Variants in BRINP1 observed in about 807,000 individuals in gnomAD.
BRINP1 encodes BMP/retinoic acid-inducible neural-specific protein 1.
A neutral mutation model predicts 72.9 loss-of-function variants in BRINP1; 17 were observed. That is an observed-to-expected ratio of 0.23 (90% CI 0.16 to 0.35). BRINP1 has a LOEUF of 0.35. Among genes scored for constraint, BRINP1 ranks in the 10% least tolerant of loss-of-function variants. BRINP1 has a pLI of 1.00. For synonymous variants in BRINP1, 418 were observed against 378.5 expected, an observed-to-expected ratio of 1.10 and a Z score of -1.21; for missense variants, 850 against 1,001.6, an observed-to-expected ratio of 0.85 and a Z score of 2.04.
chr9:119,309,581 TG>T (rs1329054167), intron 2 of BRINP1, among the ~76,000 whole-genome samples: 24 of 152,114 alleles, frequency 1.6e-4, no homozygotes, highest in African/African-American at 5.3e-4. Context: ...AAAACTCTAA[TG>T]AAAAAAATTC....
intron 5 of BRINP1, among the ~76,000 whole-genome samples, chr9:119,233,145 G>A (rs1830163249): frequency 6.6e-6 from 1 of 151,854 alleles, no homozygotes; most frequent in South Asian, 2.1e-4. Flanking sequence ...GTAGCCTTCT[G>A]CAGAATCTGC....
rs1348851804 is a variant in BRINP1, at chr9:119,341,001, C to T, written c.-50-27596G>A. Reference sequence around the variant, plus strand: ...ATTTTATCAGCTCCAATCCCTGGCTCTCTTCTAAGGGTTAAGATAGCCAAG... The same window carrying T: ...ATTTTATCAGCTCCAATCCCTGGCTTTCTTCTAAGGGTTAAGATAGCCAAG... On this transcript the variant is annotated intron_variant, in intron 1 of 7. Coordinates refer to ENST00000265922, the MANE Select transcript of BRINP1 (RefSeq NM_014618.3). Among the ~76,000 whole-genome samples, 4 of 152,184 alleles carry T rather than the reference C, an allele frequency of 2.6e-5. No individual in the cohort carries two copies. The East Asian group carries it at 7.7e-4, about 29-fold the overall frequency.
intron 1 of BRINP1, among the ~76,000 whole-genome samples, chr9:119,358,239 T>C (rs1471406932): frequency 6.6e-6 from 1 of 152,162 alleles, no homozygotes; most frequent in African/African-American, 2.4e-5. Context: ...TCCATCATGC[T>C]GTCAATCATC....
chr9:119,296,827 G>A (rs1339766835), intron 2 of BRINP1, among the ~76,000 whole-genome samples: 2 of 152,178 alleles, frequency 1.3e-5, no homozygotes, highest in Admixed American at 1.3e-4. Flanking sequence ...TACAGAAGCA[G>A]AGAGTAGAAT....
intron 3 of BRINP1, among the ~76,000 whole-genome samples, chr9:119,248,730 T>C (rs1484862461): frequency 1.3e-5 from 2 of 152,240 alleles, no homozygotes; most frequent in Non-Finnish European, 2.9e-5. Flanking sequence ...AGCCGTATTT[T>C]CAGAAAATTT....
chr9:119,320,329 A>G (rs750885005), intron 1 of BRINP1, among the ~76,000 whole-genome samples: 4 of 152,304 alleles, frequency 2.6e-5, no homozygotes, highest in Non-Finnish European at 4.4e-5. Flanking sequence ...ACTACCTGCT[A>G]AAGTCAAAAA....
At chr9:119,353,659 A>C (rs1470307288) in intron 1 of BRINP1, among the ~76,000 whole-genome samples, 3 of 152,106 alleles carry the variant, frequency 2.0e-5, no homozygotes, top group Non-Finnish European at 4.4e-5. Flanking sequence ...TTATTTTCTC[A>C]ATCAATACCA....
intron 1 of BRINP1, among the ~76,000 whole-genome samples, chr9:119,329,669 T>C (rs185991239): frequency 6.6e-6 from 1 of 152,298 alleles, no homozygotes; most frequent in East Asian, 1.9e-4. Context: ...GGACAAAGAT[T>C]TATATTCTTC....
At chr9:119,332,091 T>G (rs1325650701) in intron 1 of BRINP1, among the ~76,000 whole-genome samples, 4 of 152,108 alleles carry the variant, frequency 2.6e-5, no homozygotes, top group African/African-American at 4.8e-5. Flanking sequence ...TCCTGTTACC[T>G]TCAAACTCTG....
At position 119,213,905 on chromosome 9, in the gene BRINP1, G is replaced by A; in HGVS notation, c.922+14C>T. The A allele has an allele frequency of 1.2e-6, 2 of 1,609,170 alleles. No homozygotes were observed. Among genetic ancestry groups the A allele is most frequent in the African/African-American group, 1.3e-5 (1 of 74,952 alleles). ...AAGGCCACTCATGCAGTGGCACTGA[G>A]TGAGACTCTCTACCTGAATTCTCCA... On this transcript the variant is annotated intron_variant, in intron 6 of 7. Transcript: ENST00000265922.
intron 4 of BRINP1, among the ~76,000 whole-genome samples, chr9:119,239,598 C>G (rs1830226921): frequency 6.6e-6 from 1 of 152,200 alleles, no homozygotes; most frequent in Non-Finnish European, 1.5e-5. Context: ...TTGTAAGGAA[C>G]AATGACTTGG....
chr9:119,235,297 C>G (rs1473246127), intron 5 of BRINP1, among the ~76,000 whole-genome samples: 2 of 152,202 alleles, frequency 1.3e-5, no homozygotes, highest in East Asian at 3.9e-4. Context: ...CCTTCTAGGA[C>G]TTGAAAGATT....
At chr9:119,197,426 T>C (rs1366660141) in intron 7 of BRINP1, among the ~76,000 whole-genome samples, 1 of 152,200 alleles carries the variant, frequency 6.6e-6, no homozygotes, top group East Asian at 1.9e-4. Context: ...CATTAATATA[T>C]GTAAAGCATC....
At chr9:119,343,512 C>T (rs536092769) in intron 1 of BRINP1, among the ~76,000 whole-genome samples, 12 of 152,244 alleles carry the variant, frequency 7.9e-5, no homozygotes, top group South Asian at 4.1e-4. Flanking sequence ...TCCTCCTGCA[C>T]GGCACCAATA....
At chr9:119,315,562 C>T (rs1831116349) in intron 1 of BRINP1, among the ~76,000 whole-genome samples, 2 of 151,972 alleles carry the variant, frequency 1.3e-5, no homozygotes, top group African/African-American at 4.8e-5. Flanking sequence ...AATTAGTAAA[C>T]CTACAATGAC....
At chr9:119,175,128 A>T (rs1002616698) in intron 7 of BRINP1, among the ~76,000 whole-genome samples, 4 of 149,382 alleles carry the variant, frequency 2.7e-5, no homozygotes, top group Admixed American at 6.7e-5. Flanking sequence ...ATAAAAAAAA[A>T]AAAAGACAAA....
At chr9:119,267,715 G>C (rs1242755244) in intron 2 of BRINP1, among the ~76,000 whole-genome samples, 2 of 152,114 alleles carry the variant, frequency 1.3e-5, no homozygotes, top group Non-Finnish European at 2.9e-5. Context: ...CTGGAGTTTA[G>C]AGGATTTGTC....
intron 2 of BRINP1, among the ~76,000 whole-genome samples, chr9:119,290,130 C>A (rs1453078000): frequency 5.3e-5 from 8 of 152,118 alleles, no homozygotes; most frequent in Admixed American, 1.3e-4. Context: ...ATGGAAAGAA[C>A]CTAAAGCAGA....
chr9:119,170,714 T>C (rs1387564739), intron 7 of BRINP1, among the ~76,000 whole-genome samples: 33 of 128,012 alleles, frequency 2.6e-4, no homozygotes, highest in Admixed American at 6.2e-4. Context: ...GGAAAAAATG[T>C]TAAGGGCAGC....
Sources: gnomAD v4.1 joint callset for allele counts (sites outside exome capture counted in the v4.1 genomes callset) on GRCh38, gnomAD v4.1.1 for gene constraint, MANE v1.5 for transcripts, NCBI Gene and HGNC (gene_info 2026-07-23, HGNC 2026-07-21) for gene names.